DIAPH2: variants seen among roughly 807,000 people sequenced by gnomAD.
DIAPH2 encodes protein diaphanous homolog 2.
In DIAPH2, 35 loss-of-function variants were observed where a neutral mutation model predicts 92.7. The observed-to-expected ratio is 0.38, with a 90% confidence interval of 0.29 to 0.50. The LOEUF is 0.50. Ranked by LOEUF, DIAPH2 falls within the 20% of genes least tolerant of loss-of-function variation. The pLI is 0.94. For missense variants in DIAPH2, 701 were observed against 819.5 expected (o/e 0.86, Z 1.77); for synonymous variants, 301 against 280.4 (o/e 1.07, Z -0.73).
intron 5 of DIAPH2, among the ~76,000 whole-genome samples, chrX:96,901,701 A>G (rs1461673203): frequency 9.4e-6 from 1 of 106,678 alleles, no homozygotes; most frequent in African/African-American, 3.4e-5. Flanking sequence ...TGCCCAACTA[A>G]TTTTTGTATT....
chrX:97,383,050 CAAAG>C (rs2069565945), intron 24 of DIAPH2, among the ~76,000 whole-genome samples: 1 of 111,916 alleles, frequency 8.9e-6, no homozygotes, highest in South Asian at 3.7e-4. Context: ...TACCTGAACT[CAAAG>C]GAAGTTGATA....
chrX:96,794,239 C>T (rs930604932), intron 4 of DIAPH2, among the ~76,000 whole-genome samples: 1 of 111,178 alleles, frequency 9.0e-6, no homozygotes, highest in African/African-American at 3.3e-5. Context: ...TCCCCAACGG[C>T]CCTAACTCTT....
At chrX:96,833,653 G>GTTTAT (rs1296538114) in intron 4 of DIAPH2, among the ~76,000 whole-genome samples, 1 of 110,739 alleles carries the variant, frequency 9.0e-6, no homozygotes, top group Admixed American at 9.6e-5. Flanking sequence ...TTTCTCAGGG[G>GTTTAT]TTTATTTTAT....
rs570389267 is a variant in DIAPH2, at chrX:97,110,994, A to C, written c.2350-3732A>C. Among the ~76,000 whole-genome samples the C allele has an allele frequency of 1.1e-3, 113 of 107,226 alleles. 1 individual carries two copies. The South Asian group carries it at 0.021, about 20-fold the overall frequency. The allele number at this position is 107,226 out of a possible 115,157, so 93.1% of individuals were successfully genotyped here. ...CGAGACTCCGTCTCAAAAAAAACAA[A>C]CAAAAAAAAAAAGATGCCCTATTTG... On this transcript the variant is annotated intron_variant, in intron 20 of 26. Coordinates refer to ENST00000324765, the MANE Select transcript of DIAPH2 (RefSeq NM_006729.5).
intron 5 of DIAPH2, chrX:96,884,260 G>T: frequency 1.8e-6 from 2 of 1,106,291 alleles, no homozygotes; most frequent in Non-Finnish European, 2.4e-6. Context: ...CGTCCGTGGA[G>T]CCCCAGACGA....
At chrX:96,989,101 T>C (rs1266386744) in intron 17 of DIAPH2, among the ~76,000 whole-genome samples, 1 of 111,768 alleles carries the variant, frequency 8.9e-6, no homozygotes, top group Non-Finnish European at 1.9e-5. Context: ...CTCTTCCCCA[T>C]AGAAATAATA....
rs151205482 is a variant in DIAPH2 at position 97,253,625 on chromosome X, C to G, written c.2844+5786C>G. 3.0e-4 allele frequency among the ~76,000 whole-genome samples: 33 copies of G among 110,340 alleles called. No individual in the cohort carries two copies. The East Asian group carries it at 9.4e-3, about 31-fold the overall frequency. ...ATTAGCCAGGCATGGTGGTGCACGC[C>G]TGTAATCCCAGCTACTCAGGAGGCT... On this transcript the variant is annotated intron_variant, in intron 23 of 26. Transcript: ENST00000324765.
intron 22 of DIAPH2, among the ~76,000 whole-genome samples, chrX:97,152,011 C>T (rs2067289316): frequency 9.0e-6 from 1 of 111,346 alleles, no homozygotes; most frequent in African/African-American, 3.3e-5. Context: ...TGGATCATGC[C>T]CTGAATGGAG....
At chrX:96,998,537 C>T (rs376490543) in intron 17 of DIAPH2, among the ~76,000 whole-genome samples, 2 of 111,871 alleles carry the variant, frequency 1.8e-5, no homozygotes, top group African/African-American at 3.2e-5. Context: ...AAGCCAAATA[C>T]GTTTTTTAAT....
At chrX:97,174,073 A>G (rs1473420409) in intron 22 of DIAPH2, among the ~76,000 whole-genome samples, 1 of 75,513 alleles carries the variant, frequency 1.3e-5, no homozygotes, top group Non-Finnish European at 3.3e-5. Flanking sequence ...TAATTATATT[A>G]TATAATTATA....
intron 26 of DIAPH2, among the ~76,000 whole-genome samples, chrX:97,459,356 G>T (rs2147800390): frequency 8.9e-6 from 1 of 111,972 alleles, no homozygotes; most frequent in South Asian, 3.8e-4. Flanking sequence ...TTGTGACCTT[G>T]GGGCAGTGAA....
chrX:97,429,514 G>A, intron 25 of DIAPH2, 136 bp from the exon 26 acceptor site: 1 of 884,227 alleles, frequency 1.1e-6, no homozygotes, highest in Non-Finnish European at 1.5e-6. Context: ...AAACTGACAG[G>A]ATCCATTATG....
chrX:97,410,083 C>T (rs1207105884), intron 25 of DIAPH2, among the ~76,000 whole-genome samples: 1 of 112,156 alleles, frequency 8.9e-6, no homozygotes, highest in Non-Finnish European at 1.9e-5. Context: ...GTCCCTGACC[C>T]CCGTGTAGCC....
At chrX:97,595,580 CTCTT>C (rs200865006) in intron 26 of DIAPH2, among the ~76,000 whole-genome samples, 4,337 of 110,119 alleles carry the variant, frequency 0.039, 78 homozygotes, top group Non-Finnish European at 0.059. Flanking sequence ...TCTTTTTCCT[CTCTT>C]TCTTTCTTTC....
chrX:97,478,674 T>A (rs1176953875), intron 26 of DIAPH2, among the ~76,000 whole-genome samples: 1 of 112,149 alleles, frequency 8.9e-6, no homozygotes, highest in African/African-American at 3.2e-5. Flanking sequence ...AAGAAAGGAG[T>A]AAGCCTATCC....
At chrX:97,035,764 T>G (rs905046785) in intron 17 of DIAPH2, among the ~76,000 whole-genome samples, 1 of 110,805 alleles carries the variant, frequency 9.0e-6, no homozygotes, top group Non-Finnish European at 1.9e-5. Context: ...ATCCCAGCAC[T>G]TTGGGAGGCT....
rs1602689692 is a variant in DIAPH2 at position 97,594,207 on chromosome X, A to T, written c.3242-5046A>T. 2.7e-5 allele frequency among the ~76,000 whole-genome samples: 3 copies of T among 110,754 alleles called. No homozygotes were observed. In the South Asian group the frequency reaches 1.2e-3, roughly 43 times the overall value. On this transcript the variant is annotated intron_variant, in intron 26 of 26. Transcript: ENST00000324765. ...AGTATATATATATATATACGTACAC[A>T]TACACAAAAGACACTATTCTGGTCA... is the stretch of plus-strand genomic sequence containing the variant.
chrX:97,536,333 A>G (rs1482722171), intron 26 of DIAPH2, among the ~76,000 whole-genome samples: 2 of 111,984 alleles, frequency 1.8e-5, no homozygotes, highest in African/African-American at 3.2e-5. Flanking sequence ...AGTATTGACC[A>G]TATGAAGCCA....
At chrX:97,578,243 A>G (rs1031642773) in intron 26 of DIAPH2, among the ~76,000 whole-genome samples, 43 of 108,416 alleles carry the variant, frequency 4.0e-4, no homozygotes, top group Non-Finnish European at 7.5e-4. Flanking sequence ...ATACGTATAC[A>G]TGTGCCGTGC....
Sources: gnomAD v4.1 joint callset for allele counts (sites outside exome capture counted in the v4.1 genomes callset) on GRCh38, gnomAD v4.1.1 for gene constraint, MANE v1.5 for transcripts, NCBI Gene and HGNC (gene_info 2026-07-23, HGNC 2026-07-21) for gene names.